OPRM1: variants seen among roughly 807,000 people sequenced by gnomAD.
The protein encoded by OPRM1 is opioid receptor mu 1, also known as mu-type opioid receptor.
Under a neutral mutation model 31.8 loss-of-function variants are expected in OPRM1, and 27 were observed. That is an observed-to-expected ratio of 0.85 (90% CI 0.63 to 1.17). OPRM1 has a LOEUF of 1.17. OPRM1 is among the 50% of genes most tolerant of loss of function. The pLI, the probability that OPRM1 is intolerant of heterozygous loss-of-function variation, is 0.00. For synonymous variants in OPRM1, 196 were observed against 189.9 expected (o/e 1.03, Z -0.26); for missense variants, 536 against 511.1 (o/e 1.05, Z -0.47).
At chr6:154,094,336 T>A (rs770833020) in intron 3 of OPRM1, 2 of 680,850 alleles carry the variant, frequency 2.9e-6, no homozygotes, top group Non-Finnish European at 4.6e-6. Flanking sequence ...GATAAGCCAA[T>A]GAGAAAATTC....
Position 154,126,359 on chromosome 6 carries a change from G to T in OPRM1, c.*7638G>T, listed in dbSNP as rs1797586625. Among the ~76,000 whole-genome samples, 1 of 152,212 alleles carries T rather than the reference G, an allele frequency of 6.6e-6. No individual in the cohort carries two copies. On this transcript the variant is annotated 3_prime_UTR_variant, in exon 4 of 4. Transcript: ENST00000330432. ...AGAGAAGGGAGAGGAGACTACATTT[G>T]TGTGACCTAATGGTTGTGATTTCAC...
chr6:154,213,048 G>A (rs1196937755), intron 3 of OPRM1: 5 of 562,858 alleles, frequency 8.9e-6, no homozygotes, highest in Non-Finnish European at 1.3e-5. Flanking sequence ...GCCAATTCGG[G>A]GCTCCTGACC....
At chr6:154,171,308 C>A (rs1010682848) in intron 3 of OPRM1, among the ~76,000 whole-genome samples, 1 of 152,124 alleles carries the variant, frequency 6.6e-6, no homozygotes. Context: ...CAGTTGTCCA[C>A]AATACTTCAA....
chr6:154,161,215 ATT>A (rs778278528), intron 3 of OPRM1, among the ~76,000 whole-genome samples: 11 of 133,796 alleles, frequency 8.2e-5, no homozygotes, highest in Admixed American at 1.5e-4. Flanking sequence ...TTTTCTTTTC[ATT>A]TTTTTTTTTT....
chr6:154,184,541 G>GTATA (rs560871740), intron 3 of OPRM1, among the ~76,000 whole-genome samples: 3 of 150,820 alleles, frequency 2.0e-5, no homozygotes, highest in South Asian at 2.1e-4. Context: ...GTATGTGTAT[G>GTATA]TATATATATA....
At chr6:154,048,327 C>G (rs1781551941) in intron 1 of OPRM1, among the ~76,000 whole-genome samples, 1 of 152,028 alleles carries the variant, frequency 6.6e-6, no homozygotes, top group East Asian at 1.9e-4. Flanking sequence ...ATCTCTCATT[C>G]TTTTCCTATC....
chr6:154,129,319 A>G lies in OPRM1; in HGVS notation c.*10598A>G, dbSNP rs556977180. Among the ~76,000 whole-genome samples the G allele has an allele frequency of 6.6e-6, 1 of 152,370 alleles. No individual in the cohort carries two copies. Among genetic ancestry groups the G allele is most frequent in the Non-Finnish European group, 1.5e-5 (1 of 68,030 alleles). On this transcript the variant is annotated 3_prime_UTR_variant, in exon 4 of 4. Transcript: ENST00000330432. ...TTCTTCTATACAATGTAAGGAATCT[A>G]TGAATAACATCGGCTTCTAAATCAT...
At position 154,131,950 on chromosome 6, in the gene OPRM1, T is replaced by C. The variant is rs1373836293; in HGVS notation, c.*13229T>C. On this transcript the variant is annotated 3_prime_UTR_variant, in exon 4 of 4. Coordinates refer to ENST00000330432, the MANE Select transcript of OPRM1 (RefSeq NM_000914.5). ...TTTTCTATAAGTTTTTGGTTTTTTTTTTTTTTTCTCTTCATTAGTGTGTTA... is the reference window on the plus strand; with the variant it reads ...TTTTCTATAAGTTTTTGGTTTTTTTCTTTTTTTCTCTTCATTAGTGTGTTA... 6.6e-6 allele frequency among the ~76,000 whole-genome samples: 1 copy of C among 151,492 alleles called. No homozygotes were observed. The highest frequency in any genetic ancestry group is 1.9e-4 in the East Asian group (1 of 5,194).
In OPRM1 at chr6:154,039,577, C is replaced by G; in HGVS notation, c.33C>G (p.Ser11Arg). The stretch of plus-strand genomic sequence containing the variant: ...GCAGCGCTGCCCCCACGAACGCCAG[C>G]AATTGCACTGATGCCTTGGCGTACT... MDSSAAPTNA[S>R]NCTDALAYSS... The change falls in exon 1 of 4, where the codon AGC becomes AGG. Residue 11 changes from serine (S) to arginine (R), a missense_variant. Coordinates refer to ENST00000330432, the MANE Select transcript of OPRM1 (RefSeq NM_000914.5). 6.2e-7 allele frequency: 1 copy of G among 1,613,554 alleles called. No homozygotes were observed. The highest frequency in any genetic ancestry group is 1.1e-5 in the South Asian group (1 of 90,910).
intron 3 of OPRM1, among the ~76,000 whole-genome samples, chr6:154,215,577 G>A (rs566947404): frequency 2.0e-5 from 3 of 152,206 alleles, no homozygotes; most frequent in African/African-American, 7.2e-5. Context: ...CTGCACTCCA[G>A]CCTGGGCAAC....
intron 3 of OPRM1, among the ~76,000 whole-genome samples, chr6:154,219,393 G>A (rs1778666199): frequency 6.6e-6 from 1 of 152,188 alleles, no homozygotes; most frequent in Non-Finnish European, 1.5e-5. Context: ...GGAAGCTGGA[G>A]CTACAAGGCA....
At chr6:154,214,446 T>C (rs563064536) in intron 3 of OPRM1, 3 of 631,080 alleles carry the variant, frequency 4.8e-6, no homozygotes, top group Admixed American at 2.7e-5. Context: ...GGTTTCACAA[T>C]ACTTTCCATA....
chr6:154,014,411 G>A (rs1052941565), intron 1 of OPRM1, among the ~76,000 whole-genome samples: 3 of 152,130 alleles, frequency 2.0e-5, no homozygotes, highest in Admixed American at 6.6e-5. Context: ...AGCTGAGCAG[G>A]CTGCTGGTTG....
At chr6:154,093,468 C>G (rs1047995968) in intron 3 of OPRM1, 1 of 1,613,060 alleles carries the variant, frequency 6.2e-7, no homozygotes. Context: ...CTTCAGTTGC[C>G]CGACACTGCC....
chr6:154,211,365 T>C (rs905437197), intron 3 of OPRM1, among the ~76,000 whole-genome samples: 15 of 150,618 alleles, frequency 1.0e-4, no homozygotes, highest in Non-Finnish European at 2.2e-4. Context: ...GCCAAGATTG[T>C]GCCACTGCAC....
chr6:154,198,221 T>C (rs535771384), intron 3 of OPRM1, among the ~76,000 whole-genome samples: 1 of 152,322 alleles, frequency 6.6e-6, no homozygotes, highest in Non-Finnish European at 1.5e-5. Context: ...CCTTTTGACT[T>C]GCACCATTGA....
chr6:154,028,782 A>G (rs537715111), intron 1 of OPRM1, among the ~76,000 whole-genome samples: 22 of 152,164 alleles, frequency 1.4e-4, no homozygotes, highest in African/African-American at 4.8e-4. Flanking sequence ...ATCTCCCTCT[A>G]CCTAGCACAC....
At chr6:154,083,996 C>T (rs1789856531) in intron 1 of OPRM1, among the ~76,000 whole-genome samples, 2 of 147,956 alleles carry the variant, frequency 1.4e-5, no homozygotes. Flanking sequence ...TCATCCCACT[C>T]TGGTGACACA....
At chr6:154,245,739 C>T (rs531400170) in intron 3 of OPRM1, among the ~76,000 whole-genome samples, 1 of 152,302 alleles carries the variant, frequency 6.6e-6, no homozygotes, top group East Asian at 1.9e-4. Context: ...CAAAGGGACT[C>T]ACACTCTCCT....
Sources: allele counts gnomAD v4.1 joint callset (sites outside exome capture counted in the v4.1 genomes callset), GRCh38; gene constraint gnomAD v4.1.1; transcripts MANE v1.5; gene names NCBI Gene and HGNC (gene_info 2026-07-23, HGNC 2026-07-21).